TMEM108: variants seen among roughly 807,000 people sequenced by gnomAD.
TMEM108 encodes transmembrane protein 108, also known as cancer/testis antigen 124.
A neutral mutation model predicts 35.1 loss-of-function variants in TMEM108; 12 were observed. The ratio of observed to expected loss-of-function variants is 0.34; its 90% CI spans 0.22 to 0.55. The LOEUF (loss-of-function observed/expected upper bound fraction) is 0.55, where lower values mean the gene tolerates loss of function less well. Among genes scored for constraint, TMEM108 ranks in the 20% least tolerant of loss-of-function variants. TMEM108 has a pLI of 0.89. For synonymous variants in TMEM108, 287 were observed against 308.6 expected, an observed-to-expected ratio of 0.93 and a Z score of 0.73; for missense variants, 680 against 753.3, an observed-to-expected ratio of 0.90 and a Z score of 1.14.
intron 3 of TMEM108, among the ~76,000 whole-genome samples, chr3:133,308,879 A>C (rs191423513): frequency 5.9e-5 from 9 of 152,262 alleles, no homozygotes; most frequent in African/African-American, 2.2e-4. Context: ...GCCTCATAAA[A>C]CTAGTTAGGG....
At chr3:133,185,101 AT>A (rs1405425857) in intron 2 of TMEM108, among the ~76,000 whole-genome samples, 4 of 152,034 alleles carry the variant, frequency 2.6e-5, no homozygotes, top group African/African-American at 9.7e-5. Flanking sequence ...AAACAATAAG[AT>A]TTTTCTTTCT....
chr3:133,243,041 C>T (rs1946334687), intron 3 of TMEM108, among the ~76,000 whole-genome samples: 1 of 152,152 alleles, frequency 6.6e-6, no homozygotes, highest in African/African-American at 2.4e-5. Flanking sequence ...AATATTGTGC[C>T]AGGGAAGCAA....
At chr3:133,281,937 C>G (rs1484535422) in intron 3 of TMEM108, among the ~76,000 whole-genome samples, 1 of 152,194 alleles carries the variant, frequency 6.6e-6, no homozygotes, top group African/African-American at 2.4e-5. Flanking sequence ...GTGGGCGGAT[C>G]ATGAGGTCAG....
At chr3:133,239,021 A>G (rs566333422) in intron 3 of TMEM108, among the ~76,000 whole-genome samples, 68 of 152,258 alleles carry the variant, frequency 4.5e-4, no homozygotes, top group Non-Finnish European at 6.8e-4. Flanking sequence ...CACAGCCTTC[A>G]TGGACAGTGA....
At chr3:133,134,735 G>A (rs955270734) in intron 2 of TMEM108, among the ~76,000 whole-genome samples, 2 of 152,128 alleles carry the variant, frequency 1.3e-5, no homozygotes, top group African/African-American at 4.8e-5. Flanking sequence ...TGAATAGTGT[G>A]CATTGTACTC....
chr3:133,042,629 C>T (rs1390820836), intron 1 of TMEM108, among the ~76,000 whole-genome samples: 2 of 152,100 alleles, frequency 1.3e-5, no homozygotes, highest in African/African-American at 2.4e-5. Flanking sequence ...ATGTTTCCTC[C>T]CAGAAAAGTG....
intron 3 of TMEM108, among the ~76,000 whole-genome samples, chr3:133,319,804 G>T (rs987475772): frequency 1.3e-5 from 2 of 152,152 alleles, no homozygotes; most frequent in Non-Finnish European, 2.9e-5. Flanking sequence ...TTCACAGGAA[G>T]CCCCATCCCT....
At chr3:133,159,203 C>T (rs1483296197) in intron 2 of TMEM108, among the ~76,000 whole-genome samples, 1 of 152,202 alleles carries the variant, frequency 6.6e-6, no homozygotes, top group African/African-American at 2.4e-5. Context: ...TCCCTTATCA[C>T]ACCAGTCGAT....
chr3:133,389,976 C>T (rs946081037), intron 4 of TMEM108, among the ~76,000 whole-genome samples: 1 of 152,228 alleles, frequency 6.6e-6, no homozygotes, highest in African/African-American at 2.4e-5. Context: ...TTCAAGACTT[C>T]TGCCCCGTGA....
At chr3:133,119,731 G>A (rs1457570148) in intron 2 of TMEM108, among the ~76,000 whole-genome samples, 1 of 152,082 alleles carries the variant, frequency 6.6e-6, no homozygotes, top group Non-Finnish European at 1.5e-5. Flanking sequence ...TGTTTTATTA[G>A]CATTTAATTT....
At chr3:133,359,722 T>C (rs1297270656) in intron 3 of TMEM108, among the ~76,000 whole-genome samples, 2 of 152,180 alleles carry the variant, frequency 1.3e-5, no homozygotes, top group East Asian at 3.8e-4. Flanking sequence ...TCAGTCAACA[T>C]AATTAAATTT....
intron 2 of TMEM108, among the ~76,000 whole-genome samples, chr3:133,072,376 G>A (rs1032524482): frequency 1.3e-5 from 2 of 152,016 alleles, no homozygotes; most frequent in East Asian, 3.8e-4. Flanking sequence ...CAGAGAATGG[G>A]TTATTCTCTG....
At chr3:133,288,472 G>T (rs551616059) in intron 3 of TMEM108, among the ~76,000 whole-genome samples, 28 of 152,278 alleles carry the variant, frequency 1.8e-4, no homozygotes, top group African/African-American at 6.5e-4. Context: ...CTCCATGGGG[G>T]GGTGAATAGA....
chr3:133,277,014 G>T (rs960471774), intron 3 of TMEM108, among the ~76,000 whole-genome samples: 1 of 152,154 alleles, frequency 6.6e-6, no homozygotes, highest in Non-Finnish European at 1.5e-5. Flanking sequence ...CTAATGACGT[G>T]TGAGGTGCTG....
At chr3:133,107,771 G>T (rs975942260) in intron 2 of TMEM108, among the ~76,000 whole-genome samples, 1 of 152,148 alleles carries the variant, frequency 6.6e-6, no homozygotes, top group Non-Finnish European at 1.5e-5. Flanking sequence ...TCACTGAACC[G>T]CTATAGCCTC....
intron 3 of TMEM108, among the ~76,000 whole-genome samples, chr3:133,259,188 A>G (rs1946590351): frequency 6.6e-6 from 1 of 152,184 alleles, no homozygotes; most frequent in Admixed American, 6.5e-5. Flanking sequence ...ACCTGGACTG[A>G]TTCTTTCATT....
intron 2 of TMEM108, among the ~76,000 whole-genome samples, chr3:133,145,757 C>A (rs1445429569): frequency 6.6e-6 from 1 of 152,032 alleles, no homozygotes; most frequent in Non-Finnish European, 1.5e-5. Flanking sequence ...CATGATTTGG[C>A]TCTCTGTTTG....
In TMEM108 at chr3:133,381,126, T is replaced by C. The variant is rs1559942507; in HGVS notation, c.1415T>C (p.Val472Ala). The C allele has an allele frequency of 5.0e-6, 8 of 1,609,740 alleles. No individual in the cohort carries two copies. The highest frequency in any genetic ancestry group is 4.5e-5 in the East Asian group (2 of 44,788). Residue 472 changes from valine to alanine, a missense_variant, in exon 4 of 6, where the codon GTG (valine) becomes GCG (alanine). By Grantham distance (64) the Val-to-Ala change is moderately conservative. This residue lies in a region of TMEM108 where 105 missense variants were observed against 150.7 expected (regional missense o/e 0.70). Transcript: ENST00000321871. ...ICLSKMDIAW[V>A]ILAISVPISS... is the part of the protein sequence containing the mutation. ...CTGAGCAAGATGGATATCGCCTGGG[T>C]GATCCTGGCCATCAGCGTGCCCATC...
intron 2 of TMEM108, among the ~76,000 whole-genome samples, chr3:133,199,448 C>T (rs1473219554): frequency 1.3e-5 from 2 of 152,148 alleles, no homozygotes; most frequent in Non-Finnish European, 2.9e-5. Flanking sequence ...ATGATGGTGA[C>T]GTACAGTTAG....
Sources: allele counts gnomAD v4.1 joint callset (sites outside exome capture counted in the v4.1 genomes callset), GRCh38; gene constraint gnomAD v4.1.1; regional missense constraint gnomAD v4.1.1; transcripts MANE v1.5; gene names NCBI Gene and HGNC (gene_info 2026-07-23, HGNC 2026-07-21).